The following TRAF2 variants were observed in gnomAD, a reference collection of about 807,000 sequenced individuals.
TRAF2 encodes the protein TNF receptor-associated factor 2.
Under a neutral mutation model 55.6 loss-of-function variants are expected in TRAF2, and 6 were observed. That is an observed-to-expected ratio of 0.11 (90% CI 0.06 to 0.21). The LOEUF is 0.21. TRAF2 is among the 10% of genes least tolerant of loss of function. The pLI is 1.00. For synonymous variants in TRAF2, 329 were observed against 276.3 expected (o/e 1.19, Z -1.89); for missense variants, 561 against 684.5 (o/e 0.82, Z 2.01).
Position 136,920,241 on chromosome 9 carries a change from G to T in TRAF2, c.686G>T (p.Gly229Val), listed in dbSNP as rs1311356750. ...CCTGCCCTGTGTCCGCAGGTAGAGG[G>T]TGAGAAACAGCAGGAGCACGAGGTG... ...HAIGCLETVEGEKQQEHEVQW... is the reference protein window; with the variant it reads ...HAIGCLETVEVEKQQEHEVQW... Residue 229 changes from glycine to valine, a missense_variant, in exon 8 of 11, where the codon GGT becomes GTT. Gly to Val is a moderately radical substitution (Grantham distance 109). Transcript: ENST00000247668. 6.2e-7 allele frequency: 1 copy of T among 1,609,512 alleles called. No homozygotes were observed. The highest frequency in any genetic ancestry group is 2.2e-5 in the East Asian group (1 of 44,808).
chr9:136,922,296 G>A (rs1424432924), intron 9 of TRAF2: 4 of 152,298 alleles, frequency 2.6e-5, no homozygotes. Flanking sequence ...TGAGGGAACA[G>A]TCTGGGCAGC....
In TRAF2 at chr9:136,921,191, C is replaced by T. The variant is rs1307813451; in HGVS notation, c.1114C>T (p.Arg372Cys). 1.2e-5 allele frequency: 19 copies of T among 1,613,656 alleles called. No homozygotes were observed. Among genetic ancestry groups the T allele is most frequent in the Non-Finnish European group, 1.4e-5 (17 of 1,180,032 alleles). The change falls in exon 9 of 11, where the codon CGC (arginine) becomes TGC (cysteine). Residue 372 changes from arginine (R) to cysteine (C), a missense_variant. Coordinates refer to ENST00000247668, the MANE Select transcript of TRAF2 (RefSeq NM_021138.4). ...ARKRQEAVAG[R>C]IPAIFSPAFY... ...GAAGCGCCAGGAAGCTGTGGCTGGC[C>T]GCATACCCGCCATCTTCTCCCCAGG...
rs141413707 is a variant in TRAF2, at chr9:136,896,613, T to C, written c.-28-2100T>C. On this transcript the variant is annotated intron_variant, in intron 1 of 10. Transcript: ENST00000247668. ...ACTCAAGCTTTACCCAAACCGCTTA[T>C]AAGGTTGGGGGGAACCGAGTGCCTG... is the stretch of plus-strand genomic sequence containing the variant. Among the ~76,000 whole-genome samples the C allele has an allele frequency of 6.9e-4, 105 of 152,054 alleles. 1 individual carries two copies. In the East Asian group the frequency reaches 0.017, roughly 25 times the overall value.
chr9:136,926,401 A>G lies in TRAF2; in HGVS notation c.*500A>G, dbSNP rs1198684750. ...TTCTCCCCTCTGGCCCCTGGAGAGA[A>G]GGGAGCATTCCTAGACCCCTGGGTG... On this transcript the variant is annotated 3_prime_UTR_variant, in exon 11 of 11. Transcript: ENST00000247668. 2 of 315,076 alleles carry G rather than the reference A, an allele frequency of 6.3e-6. No homozygotes were observed. The highest frequency in any genetic ancestry group is 5.5e-5 in the South Asian group (2 of 36,258). 19.5% of individuals were successfully genotyped at this position (315,076 alleles called of 1,614,324 possible).
chr9:136,898,695 CTG>C lies in TRAF2; in HGVS notation c.-28-12_-28-11del. On this transcript the variant is annotated splice_polypyrimidine_tract_variant and intron_variant, in intron 1 of 10. Transcript: ENST00000247668. ...TGTTCTGGAATTGAGGTGTAACGTG[CTG>C]TGTGTTCTTCCTTAGGGCTTTGTTC... The C allele has an allele frequency of 6.2e-7, 1 of 1,610,946 alleles. No individual in the cohort carries two copies. Among genetic ancestry groups the C allele is most frequent in the Non-Finnish European group, 8.5e-7 (1 of 1,179,666 alleles).
At position 136,926,496 on chromosome 9, in the gene TRAF2, G is replaced by A. The variant is rs192922611; in HGVS notation, c.*595G>A. 419 of 226,744 alleles carry A rather than the reference G, an allele frequency of 1.8e-3. 2 individuals are homozygous for A. Among genetic ancestry groups the A allele is most frequent in the African/African-American group, 8.6e-3 (385 of 44,974 alleles). 14.0% of individuals were successfully genotyped at this position (226,744 alleles called of 1,614,324 possible). A position where few individuals can be genotyped will look rare whatever the true frequency, so the allele number is the denominator to read the frequency against. ...GCTGTGGGAGAGGGTCTGGTCCCAC[G>A]CCGCCTCTGCTCAGACCACTGTGTG... On this transcript the variant is annotated 3_prime_UTR_variant, in exon 11 of 11. Coordinates refer to ENST00000247668, the MANE Select transcript of TRAF2 (RefSeq NM_021138.4).
intron 4 of TRAF2, among the ~76,000 whole-genome samples, chr9:136,906,782 G>T (rs1364096307): frequency 6.6e-6 from 1 of 152,192 alleles, no homozygotes; most frequent in Non-Finnish European, 1.5e-5. Context: ...TCCTGTAAGC[G>T]GCACGTTCAG....
chr9:136,925,532 C>T (rs12554888), intron 10 of TRAF2, 151 bp from the exon 11 acceptor site: 227,831 of 735,816 alleles, frequency 0.31, 36,903 homozygotes, highest in East Asian at 0.49. Flanking sequence ...GGAGCAAGGC[C>T]GCCCACCACG....
At position 136,920,408 on chromosome 9, in the gene TRAF2, AT is replaced by A; in HGVS notation, c.855del (p.Ile285MetfsTer5). On this transcript the variant is annotated frameshift_variant, in exon 8 of 11. Transcript: ENST00000247668. LOFTEE classifies it high-confidence loss of function. ...GAAGAAGACGGCCACTTTTGAGAAC[AT>A]TGTCTGCGTCCTGAACCGGGAGGTG... ...LEKKTATFENIVCVLNREVER... is the reference protein window; with the variant it reads ...LEKKTATFENXVCVLNREVER... 6.2e-7 allele frequency: 1 copy of A among 1,614,068 alleles called. No individual in the cohort carries two copies. Among genetic ancestry groups the A allele is most frequent in the Non-Finnish European group, 8.5e-7 (1 of 1,180,018 alleles).
chr9:136,918,696 TC>T (rs1163735178), intron 7 of TRAF2, among the ~76,000 whole-genome samples: 2 of 152,176 alleles, frequency 1.3e-5, no homozygotes, highest in East Asian at 3.8e-4. Flanking sequence ...GTTTTCACCT[TC>T]CCCTGTGGGT....
chr9:136,918,214 T>G (rs1400459392), intron 7 of TRAF2, among the ~76,000 whole-genome samples: 1 of 143,150 alleles, frequency 7.0e-6, no homozygotes, highest in Admixed American at 7.3e-5. Context: ...GTAATTTTTT[T>G]AGAGTGTTTT....
In TRAF2 at chr9:136,891,866, C is replaced by T. The variant is rs139546963; in HGVS notation, c.-29+5325C>T. Among the ~76,000 whole-genome samples, 148 of 151,876 alleles carry T rather than the reference C, an allele frequency of 9.7e-4. 1 individual carries two copies. Among genetic ancestry groups the T allele is most frequent in the Non-Finnish European group, 1.3e-3 (91 of 67,940 alleles). On this transcript the variant is annotated intron_variant, in intron 1 of 10. Coordinates refer to ENST00000247668, the MANE Select transcript of TRAF2 (RefSeq NM_021138.4). ...CCTCCCAAGTAGCTGGAATTACAGG[C>T]GTGAGCCACTGCACTCGGCTAATTT...
intron 7 of TRAF2, among the ~76,000 whole-genome samples, chr9:136,917,655 C>A (rs773683028): frequency 2.0e-5 from 3 of 152,234 alleles, no homozygotes; most frequent in Admixed American, 1.3e-4. Flanking sequence ...GATGTCTTGA[C>A]GGCATTTGTG....
intron 7 of TRAF2, among the ~76,000 whole-genome samples, chr9:136,918,117 G>C (rs1013734217): frequency 7.3e-5 from 11 of 151,558 alleles, no homozygotes; most frequent in Non-Finnish European, 2.9e-5. Context: ...CTCTCGTCCA[G>C]CTGTTTGTGT....
intron 6 of TRAF2, among the ~76,000 whole-genome samples, chr9:136,915,426 A>G (rs1222900765): frequency 6.6e-6 from 1 of 151,998 alleles, no homozygotes; most frequent in Non-Finnish European, 1.5e-5. Context: ...AGTCCTCTGT[A>G]TCGGGGGTCC....
upstream of TRAF2, chr9:136,886,302 G>A: frequency 1.3e-6 from 1 of 764,140 alleles, no homozygotes; most frequent in Non-Finnish European, 1.6e-6. Context: ...TCTCAGCGCC[G>A]ACCAATCGGC....
At chr9:136,924,027 A>T (rs372478004) in intron 10 of TRAF2, 27 bp downstream of exon 10, 32 of 1,609,030 alleles carry the variant, frequency 2.0e-5, no homozygotes, top group Non-Finnish European at 2.6e-5. Flanking sequence ...AGGCTTCGCT[A>T]GGGCCGCACC....
chr9:136,891,867 G>A (rs1312056989), intron 1 of TRAF2, among the ~76,000 whole-genome samples: 6 of 151,722 alleles, frequency 4.0e-5, no homozygotes, highest in African/African-American at 9.7e-5. Flanking sequence ...AATTACAGGC[G>A]TGAGCCACTG....
intron 4 of TRAF2, among the ~76,000 whole-genome samples, chr9:136,907,237 T>C (rs1849976188): frequency 6.6e-6 from 1 of 152,228 alleles, no homozygotes; most frequent in Non-Finnish European, 1.5e-5. Flanking sequence ...GGCTCCCGCT[T>C]CCCTAGTCTG....
Sources: allele counts gnomAD v4.1 joint callset (sites outside exome capture counted in the v4.1 genomes callset), GRCh38; gene constraint gnomAD v4.1.1; transcripts MANE v1.5; gene names NCBI Gene and HGNC (gene_info 2026-07-23, HGNC 2026-07-21).